Variants in LRRC4C observed in about 807,000 individuals in gnomAD.
LRRC4C encodes leucine rich repeat containing 4C.
Under a neutral mutation model 33.6 loss-of-function variants are expected in LRRC4C, and 5 were observed. That is an observed-to-expected ratio of 0.15 (90% CI 0.08 to 0.31). The LOEUF (loss-of-function observed/expected upper bound fraction) is 0.31, where lower values mean the gene tolerates loss of function less well. Ranked by LOEUF, LRRC4C falls within the 10% of genes least tolerant of loss-of-function variation. The probability of loss-of-function intolerance (pLI) is 1.00; values close to 1 mark genes in which losing one functional copy is unlikely to be tolerated. For missense variants in LRRC4C, 560 were observed against 796.7 expected, an observed-to-expected ratio of 0.70 and a Z score of 3.58; for synonymous variants, 329 against 302.0, an observed-to-expected ratio of 1.09 and a Z score of -0.93.
chr11:40,910,079 T>TTAAAACTTGTTGGTCTCTATACAA (rs1368429470), intron 2 of LRRC4C, among the ~76,000 whole-genome samples: 15 of 152,150 alleles, frequency 9.9e-5, no homozygotes, highest in African/African-American at 3.6e-4. Flanking sequence ...AGACCTGTAT[T>TTAAAACTTGTTGGTCTCTATACAA]TAAAACTTGT....
chr11:40,360,301 A>C (rs1342476678), intron 3 of LRRC4C, among the ~76,000 whole-genome samples: 1 of 152,186 alleles, frequency 6.6e-6, no homozygotes, highest in Admixed American at 6.6e-5. Flanking sequence ...GAAAGGCAGA[A>C]TATCAGAGAG....
intron 1 of LRRC4C, among the ~76,000 whole-genome samples, chr11:40,964,232 T>G (rs559148854): frequency 4.6e-4 from 70 of 151,788 alleles, no homozygotes; most frequent in African/African-American, 1.7e-3. Context: ...AGATATTATT[T>G]TTATCATTGA....
intron 5 of LRRC4C, among the ~76,000 whole-genome samples, chr11:40,155,615 T>C (rs1314017679): frequency 6.6e-6 from 1 of 151,928 alleles, no homozygotes; most frequent in African/African-American, 2.4e-5. Context: ...AAGAGATGGA[T>C]AAATTCCTGG....
At chr11:40,984,363 A>AAAAGAAAG (rs61226519) in intron 1 of LRRC4C, among the ~76,000 whole-genome samples, 12,156 of 119,790 alleles carry the variant, frequency 0.1, 659 homozygotes, top group East Asian at 0.18. Context: ...AAAGAAAGAA[A>AAAAGAAAG]AAAGAAAGAA....
intron 4 of LRRC4C, chr11:40,292,831 ACAAT>A (rs1467344810): frequency 3.3e-5 from 5 of 152,168 alleles, no homozygotes; most frequent in Admixed American, 2.0e-4. Context: ...TCTCTCTTGC[ACAAT>A]CAGTTTATCC....
At chr11:40,807,848 C>A (rs1951319710) in intron 2 of LRRC4C, among the ~76,000 whole-genome samples, 1 of 152,134 alleles carries the variant, frequency 6.6e-6, no homozygotes, top group Admixed American at 6.6e-5. Flanking sequence ...TGCTGGATAC[C>A]ACATTCAACA....
chr11:40,168,916 T>A (rs1454171868), intron 5 of LRRC4C, among the ~76,000 whole-genome samples: 3 of 152,230 alleles, frequency 2.0e-5, no homozygotes, highest in Non-Finnish European at 2.9e-5. Context: ...TGAAAAGCCA[T>A]CGCCTTCATG....
At chr11:40,159,363 C>T (rs754146359) in intron 5 of LRRC4C, among the ~76,000 whole-genome samples, 99 of 152,084 alleles carry the variant, frequency 6.5e-4, no homozygotes, top group Non-Finnish European at 1.1e-3. Context: ...GAACTCTCAG[C>T]GATCTCATTA....
chr11:40,531,814 A>T (rs1199175263), intron 3 of LRRC4C, among the ~76,000 whole-genome samples: 2 of 151,732 alleles, frequency 1.3e-5, no homozygotes, highest in East Asian at 3.9e-4. Flanking sequence ...GTGTAATGCC[A>T]TGGTAAAGGA....
At chr11:40,745,845 G>C (rs1948390052) in intron 2 of LRRC4C, among the ~76,000 whole-genome samples, 1 of 152,010 alleles carries the variant, frequency 6.6e-6, no homozygotes, top group Admixed American at 6.6e-5. Flanking sequence ...TATGAATCTG[G>C]CGTTATGAAT....
At position 41,202,984 on chromosome 11, in the gene LRRC4C, C is replaced by T. The variant is rs188311333; in HGVS notation, c.-496+256447G>A. 2.0e-5 allele frequency among the ~76,000 whole-genome samples: 3 copies of T among 152,260 alleles called. No individual in the cohort carries two copies. The East Asian group carries it at 5.8e-4, about 29-fold the overall frequency. On this transcript the variant is annotated intron_variant, in intron 1 of 6. Coordinates refer to ENST00000528697, the MANE Select transcript of LRRC4C (RefSeq NM_001258419.2). ...TATTTTTAGTAGAGACGGGGTTTCA[C>T]CATGTTGGTCAGGCTGGTCTTGAAC...
At chr11:40,492,487 T>C (rs982646554) in intron 3 of LRRC4C, among the ~76,000 whole-genome samples, 2 of 152,182 alleles carry the variant, frequency 1.3e-5, no homozygotes, top group Non-Finnish European at 2.9e-5. Context: ...TTAAAAATCA[T>C]GTTTCATTTT....
intron 3 of LRRC4C, among the ~76,000 whole-genome samples, chr11:40,412,259 C>A (rs1950182064): frequency 6.6e-6 from 1 of 151,940 alleles, no homozygotes. Flanking sequence ...GTAAACAATT[C>A]CTTTTCTCTA....
intron 2 of LRRC4C, among the ~76,000 whole-genome samples, chr11:40,766,678 G>A (rs1247547869): frequency 6.7e-6 from 1 of 149,288 alleles, no homozygotes; most frequent in South Asian, 2.1e-4. Flanking sequence ...TTGTTTGCCT[G>A]CTTTTACAAT....
chr11:40,651,531 A>G (rs534322684), intron 2 of LRRC4C, among the ~76,000 whole-genome samples: 5 of 152,202 alleles, frequency 3.3e-5, no homozygotes, highest in African/African-American at 4.8e-5. Context: ...TTAATAAAGT[A>G]TCCATCTATT....
At chr11:40,509,574 A>G (rs1327436688) in intron 3 of LRRC4C, among the ~76,000 whole-genome samples, 1 of 151,974 alleles carries the variant, frequency 6.6e-6, no homozygotes, top group African/African-American at 2.4e-5. Flanking sequence ...ACAATGCGGT[A>G]TGTTATGTTT....
intron 1 of LRRC4C, among the ~76,000 whole-genome samples, chr11:41,207,054 A>G (rs182481701): frequency 1.9e-4 from 29 of 152,306 alleles, no homozygotes; most frequent in African/African-American, 6.5e-4. Context: ...CCTTATAAGC[A>G]TATTTAATAT....
chr11:40,994,449 T>A (rs1853816504), intron 1 of LRRC4C, among the ~76,000 whole-genome samples: 1 of 152,166 alleles, frequency 6.6e-6, no homozygotes, highest in Non-Finnish European at 1.5e-5. Context: ...TAGAGATGTG[T>A]TCATTTGCAA....
chr11:41,435,493 A>C (rs1447059284), intron 1 of LRRC4C, among the ~76,000 whole-genome samples: 1 of 152,198 alleles, frequency 6.6e-6, no homozygotes, highest in East Asian at 1.9e-4. Context: ...TGAATTTACT[A>C]ATTTAATAAT....
Sources: allele counts gnomAD v4.1 joint callset (sites outside exome capture counted in the v4.1 genomes callset), GRCh38; gene constraint gnomAD v4.1.1; transcripts MANE v1.5; gene names NCBI Gene and HGNC (gene_info 2026-07-23, HGNC 2026-07-21).